Variants in EEFSEC observed in about 807,000 individuals in gnomAD.
EEFSEC encodes eukaryotic elongation factor, selenocysteine-tRNA specific, also known as selenocysteine-specific elongation factor.
In EEFSEC, 43 loss-of-function variants were observed where a neutral mutation model predicts 42.1. That is an observed-to-expected ratio of 1.02 (90% CI 0.80 to 1.32). The LOEUF (loss-of-function observed/expected upper bound fraction) is 1.32. Among genes scored for constraint, EEFSEC ranks in the 40% most tolerant of loss-of-function variants. The pLI, the probability that EEFSEC is intolerant of heterozygous loss-of-function variation, is 0.00. For missense variants in EEFSEC, 745 were observed against 803.6 expected (o/e 0.93, Z 0.88); for synonymous variants, 354 against 339.1 (o/e 1.04, Z -0.48).
chr3:128,250,846 A>C (rs561498052), intron 2 of EEFSEC, among the ~76,000 whole-genome samples: 84 of 150,324 alleles, frequency 5.6e-4, no homozygotes, highest in African/African-American at 1.9e-3. Flanking sequence ...TCTTAACAGC[A>C]TTAAATCTTC....
intron 4 of EEFSEC, among the ~76,000 whole-genome samples, chr3:128,284,004 G>A (rs753901938): frequency 3.9e-5 from 6 of 152,120 alleles, no homozygotes; most frequent in South Asian, 2.1e-4. Context: ...TGGAGAGCAC[G>A]GGTGCTGCCA....
Position 128,246,230 on chromosome 3 carries a change from GCACACA to G in EEFSEC, c.317-590_317-585del, listed in dbSNP as rs10546350. Among the ~76,000 whole-genome samples, 590 of 149,698 alleles carry G rather than the reference GCACACA, an allele frequency of 3.9e-3. 11 individuals are homozygous for G. The highest frequency in any genetic ancestry group is 0.033 in the East Asian group (166 of 5,072). On this transcript the variant is annotated intron_variant, in intron 1 of 6. Transcript: ENST00000254730. ...TAGGATGATGCTCACAAGCGTGCAC[GCACACA>G]CACACACACACACACGCACACAAAT...
At chr3:128,182,829 G>C (rs1381613366) in intron 1 of EEFSEC, among the ~76,000 whole-genome samples, 1 of 138,450 alleles carries the variant, frequency 7.2e-6, no homozygotes, top group Non-Finnish European at 1.5e-5. Context: ...GAGACCTGGC[G>C]ACCACTGTGG....
chr3:128,279,285 C>T (rs952349250), intron 4 of EEFSEC, among the ~76,000 whole-genome samples: 1 of 152,178 alleles, frequency 6.6e-6, no homozygotes, highest in Non-Finnish European at 1.5e-5. Flanking sequence ...AAGCAGGGCT[C>T]CTTCACCTCA....
intron 6 of EEFSEC, among the ~76,000 whole-genome samples, chr3:128,374,580 G>A (rs2067689292): frequency 6.6e-6 from 1 of 151,964 alleles, no homozygotes; most frequent in Non-Finnish European, 1.5e-5. Context: ...CACTAATTGT[G>A]GCTCAATAAA....
At chr3:128,351,252 C>T (rs1161192287) in intron 5 of EEFSEC, among the ~76,000 whole-genome samples, 1 of 152,212 alleles carries the variant, frequency 6.6e-6, no homozygotes, top group Admixed American at 6.5e-5. Flanking sequence ...CTGAGATCTC[C>T]TGCACCAAAT....
At chr3:128,346,018 TG>T (rs1209945171) in intron 5 of EEFSEC, among the ~76,000 whole-genome samples, 2 of 152,264 alleles carry the variant, frequency 1.3e-5, no homozygotes, top group Admixed American at 6.5e-5. Flanking sequence ...GATGTAAATA[TG>T]TGATGCTGAG....
chr3:128,233,850 T>A (rs2065982432), intron 1 of EEFSEC, among the ~76,000 whole-genome samples: 1 of 152,158 alleles, frequency 6.6e-6, no homozygotes, highest in South Asian at 2.1e-4. Context: ...TCACTTCAGA[T>A]CCTTCAAATC....
At chr3:128,383,767 A>T (rs968200251) in intron 6 of EEFSEC, among the ~76,000 whole-genome samples, 4 of 152,352 alleles carry the variant, frequency 2.6e-5, no homozygotes, top group Admixed American at 2.6e-4. Flanking sequence ...TCAGACTCAG[A>T]TACAGATGCC....
chr3:128,412,681 C>A (rs1005458215), downstream of EEFSEC, among the ~76,000 whole-genome samples: 1 of 152,246 alleles, frequency 6.6e-6, no homozygotes, highest in Non-Finnish European at 1.5e-5. Context: ...AGCCTCCACA[C>A]AGGCAGCCCA....
intron 4 of EEFSEC, among the ~76,000 whole-genome samples, chr3:128,288,216 G>T (rs1184143441): frequency 6.6e-6 from 1 of 152,112 alleles, no homozygotes; most frequent in Non-Finnish European, 1.5e-5. Flanking sequence ...GTTTTCACAG[G>T]ATCCCTAGGA....
At chr3:128,247,276 C>G (rs946728238) in intron 2 of EEFSEC, among the ~76,000 whole-genome samples, 1 of 152,192 alleles carries the variant, frequency 6.6e-6, no homozygotes, top group Non-Finnish European at 1.5e-5. Context: ...TTTGATGAGG[C>G]ACAAGCCCTT....
intron 4 of EEFSEC, among the ~76,000 whole-genome samples, chr3:128,309,535 A>G (rs2066868376): frequency 6.6e-6 from 1 of 152,262 alleles, no homozygotes; most frequent in Non-Finnish European, 1.5e-5. Context: ...CAGATGGGGA[A>G]ACTGAGGTTC....
chr3:128,357,472 G>A (rs2067468503), intron 5 of EEFSEC, among the ~76,000 whole-genome samples: 1 of 152,334 alleles, frequency 6.6e-6, no homozygotes, highest in Admixed American at 6.5e-5. Flanking sequence ...CCAGGGAAAC[G>A]AGCAATTCTG....
chr3:128,283,533 A>T (rs2066551770), intron 4 of EEFSEC, among the ~76,000 whole-genome samples: 1 of 152,132 alleles, frequency 6.6e-6, no homozygotes, highest in Non-Finnish European at 1.5e-5. Context: ...GCAGCTCCAG[A>T]CTGGCCTCTG....
chr3:128,267,849 A>G (rs1164919362), intron 4 of EEFSEC, among the ~76,000 whole-genome samples: 1 of 152,182 alleles, frequency 6.6e-6, no homozygotes, highest in Admixed American at 6.5e-5. Context: ...GGCTAATGGC[A>G]TGGACCCCTT....
chr3:128,390,203 A>C (rs1275789817), intron 6 of EEFSEC, among the ~76,000 whole-genome samples: 1 of 152,246 alleles, frequency 6.6e-6, no homozygotes, highest in African/African-American at 2.4e-5. Flanking sequence ...TTAACACAAA[A>C]GTGGGACTTG....
chr3:128,250,457 T>G (rs1053708292), intron 2 of EEFSEC, among the ~76,000 whole-genome samples: 2 of 152,182 alleles, frequency 1.3e-5, no homozygotes, highest in African/African-American at 4.8e-5. Flanking sequence ...TTCACCTTCA[T>G]TATTTTGCAT....
At chr3:128,331,072 A>G (rs1443641091) in intron 4 of EEFSEC, among the ~76,000 whole-genome samples, 10 of 7,584 alleles carry the variant, frequency 1.3e-3, no homozygotes, top group Admixed American at 3.2e-3. Context: ...CCCTTCCTCA[A>G]TGCATCTCCC....
Sources: gnomAD v4.1 joint callset for allele counts (sites outside exome capture counted in the v4.1 genomes callset) on GRCh38, gnomAD v4.1.1 for gene constraint, MANE v1.5 for transcripts, NCBI Gene and HGNC (gene_info 2026-07-23, HGNC 2026-07-21) for gene names.